Variants in GRXCR1 observed in about 807,000 individuals in gnomAD.
GRXCR1 encodes glutaredoxin domain-containing cysteine-rich protein 1.
Under a neutral mutation model 27.3 loss-of-function variants are expected in GRXCR1, and 27 were observed. The observed-to-expected ratio is 0.99, with a 90% confidence interval of 0.73 to 1.37. The LOEUF (loss-of-function observed/expected upper bound fraction) is 1.37, where lower values mean the gene tolerates loss of function less well. Among genes scored for constraint, GRXCR1 ranks in the 40% most tolerant of loss-of-function variants. GRXCR1 has a pLI of 0.00. For missense variants in GRXCR1, 379 were observed against 354.4 expected, an observed-to-expected ratio of 1.07 and a Z score of -0.56; for synonymous variants, 122 against 131.1, an observed-to-expected ratio of 0.93 and a Z score of 0.47.
intron 2 of GRXCR1, among the ~76,000 whole-genome samples, chr4:43,017,159 C>T (rs1712956137): frequency 6.6e-6 from 1 of 152,236 alleles, no homozygotes; most frequent in Admixed American, 6.5e-5. Flanking sequence ...CATAGCTTCT[C>T]TGGCATGTTC....
chr4:42,962,892 C>T lies in GRXCR1; in HGVS notation c.385C>T (p.Gln129Ter), dbSNP rs1437816903. 1.2e-6 allele frequency: 2 copies of T among 1,612,374 alleles called. No homozygotes were observed. Among genetic ancestry groups the T allele is most frequent in the Non-Finnish European group, 1.7e-6 (2 of 1,178,744 alleles). The change falls in exon 2 of 4, where the codon CAA (glutamine) becomes TAA (stop). Residue 129 changes from glutamine (Q) to a stop codon, truncating the protein, a stop_gained and splice_region_variant. Transcript: ENST00000399770. LOFTEE classifies it high-confidence loss of function. ...TTACAACTCAATGTTTTCCCTTCAG[C>T]AACCATCAACTGATCTAGAATTTGA... ...LFNNLTKVLQ[Q>*]PSTDLEFDRV...
At chr4:42,908,748 A>G (rs538012808) in intron 1 of GRXCR1, among the ~76,000 whole-genome samples, 1 of 152,302 alleles carries the variant, frequency 6.6e-6, no homozygotes, top group South Asian at 2.1e-4. Context: ...AAAAATCACA[A>G]TTTAGGAGAC....
rs890148862 is a variant in GRXCR1, at chr4:42,992,531, T to A, written c.628-27823T>A. 6.6e-5 allele frequency among the ~76,000 whole-genome samples: 10 copies of A among 152,250 alleles called. No individual in the cohort carries two copies. In the East Asian group the frequency reaches 1.7e-3, roughly 26 times the overall value. On this transcript the variant is annotated intron_variant, in intron 2 of 3. Coordinates refer to ENST00000399770, the MANE Select transcript of GRXCR1 (RefSeq NM_001080476.3). ...AATAATTTTAATTTTTGAATTACAG[T>A]TTTCTTGCTTAGAACTCCAGTGTAA...
At chr4:42,945,291 G>A (rs41430651) in intron 1 of GRXCR1, among the ~76,000 whole-genome samples, 1 of 151,992 alleles carries the variant, frequency 6.6e-6, no homozygotes. Context: ...GACTCAGACA[G>A]TTGCTCATGA....
At chr4:42,982,817 C>A (rs1259752961) in intron 2 of GRXCR1, among the ~76,000 whole-genome samples, 3 of 150,520 alleles carry the variant, frequency 2.0e-5, no homozygotes, top group Admixed American at 2.0e-4. Flanking sequence ...TGATGATGAG[C>A]ATTTTTTCAT....
intron 1 of GRXCR1, among the ~76,000 whole-genome samples, chr4:42,947,249 C>T (rs1374722389): frequency 1.3e-5 from 2 of 151,946 alleles, no homozygotes; most frequent in Non-Finnish European, 2.9e-5. Context: ...CTCTGAGAAC[C>T]AGAAGGCTCA....
rs565345925 is a variant in GRXCR1 at position 42,990,568 on chromosome 4, ATTATAG to A, written c.627+27438_627+27443del. ...TTTAATTTGTAACATCCTAATTTTTATTATAGTTAGAGTTGGTAATTTTAAGTTTTC... is the reference window on the plus strand; with the variant it reads ...TTTAATTTGTAACATCCTAATTTTTATTAGAGTTGGTAATTTTAAGTTTTC... On this transcript the variant is annotated intron_variant, in intron 2 of 3. Coordinates refer to ENST00000399770, the MANE Select transcript of GRXCR1 (RefSeq NM_001080476.3). 7.9e-5 allele frequency among the ~76,000 whole-genome samples: 12 copies of A among 152,188 alleles called. No homozygotes were observed. The South Asian group carries it at 2.5e-3, about 32-fold the overall frequency.
chr4:42,994,161 C>T (rs1008272719), intron 2 of GRXCR1, among the ~76,000 whole-genome samples: 1 of 152,002 alleles, frequency 6.6e-6, no homozygotes, highest in Non-Finnish European at 1.5e-5. Flanking sequence ...TCAGTCAGTT[C>T]GTGTTGTATC....
In GRXCR1 at chr4:43,030,629, G is replaced by T. The variant is rs564643132; in HGVS notation, c.*89G>T. 6 of 1,023,014 alleles carry T rather than the reference G, an allele frequency of 5.9e-6. No individual in the cohort carries two copies. Among genetic ancestry groups the T allele is most frequent in the African/African-American group, 1.6e-5 (1 of 61,370 alleles). 63.4% of individuals were successfully genotyped at this position (1,023,014 alleles called of 1,614,324 possible). A position where few individuals can be genotyped will look rare whatever the true frequency, so the allele number is the denominator to read the frequency against. ...TATATTTTTAAATGGTTATGTTTAT[G>T]GATTAATCAATAAACTTTGTTTATT... On this transcript the variant is annotated 3_prime_UTR_variant, in exon 4 of 4. Coordinates refer to ENST00000399770, the MANE Select transcript of GRXCR1 (RefSeq NM_001080476.3).
intron 1 of GRXCR1, among the ~76,000 whole-genome samples, chr4:42,915,103 C>T (rs1005815168): frequency 2.0e-5 from 3 of 152,098 alleles, no homozygotes; most frequent in Non-Finnish European, 4.4e-5. Context: ...CAATTTGCTA[C>T]GTTCAGAGAA....
chr4:42,984,702 G>T (rs951949748), intron 2 of GRXCR1, among the ~76,000 whole-genome samples: 3 of 152,200 alleles, frequency 2.0e-5, no homozygotes, highest in East Asian at 1.9e-4. Flanking sequence ...GCCTGGGATT[G>T]CTGTAGTTGG....
intron 1 of GRXCR1, among the ~76,000 whole-genome samples, chr4:42,955,487 A>G (rs1198826293): frequency 2.0e-5 from 3 of 152,112 alleles, no homozygotes; most frequent in African/African-American, 7.2e-5. Flanking sequence ...CTCAGTGGAA[A>G]GCACGTGGAC....
At chr4:42,930,117 C>G (rs1462458391) in intron 1 of GRXCR1, among the ~76,000 whole-genome samples, 1 of 151,978 alleles carries the variant, frequency 6.6e-6, no homozygotes, top group East Asian at 1.9e-4. Flanking sequence ...GCTATTATCA[C>G]CCTTATACAT....
At chr4:42,926,612 G>A (rs534021908) in intron 1 of GRXCR1, among the ~76,000 whole-genome samples, 5 of 151,570 alleles carry the variant, frequency 3.3e-5, no homozygotes, top group South Asian at 2.1e-4. Flanking sequence ...CAAAACTAAC[G>A]TTACACATAT....
At chr4:43,019,344 T>C (rs1315766804) in intron 2 of GRXCR1, among the ~76,000 whole-genome samples, 1 of 152,236 alleles carries the variant, frequency 6.6e-6, no homozygotes, top group Non-Finnish European at 1.5e-5. Context: ...AGAACGTTTT[T>C]ATTTTTTAAA....
intron 3 of GRXCR1, among the ~76,000 whole-genome samples, chr4:43,024,615 G>A (rs1436476): frequency 0.21 from 31,479 of 152,110 alleles, 4,020 homozygotes; most frequent in Non-Finnish European, 0.29. Context: ...AGAATTATGA[G>A]CTACAAATTT....
intron 1 of GRXCR1, among the ~76,000 whole-genome samples, chr4:42,938,899 G>T (rs1747530083): frequency 1.3e-5 from 2 of 150,982 alleles, no homozygotes; most frequent in African/African-American, 4.9e-5. Flanking sequence ...ATGCTGTTCT[G>T]GGTACTATAG....
At chr4:43,008,355 T>A (rs901102253) in intron 2 of GRXCR1, among the ~76,000 whole-genome samples, 1 of 152,166 alleles carries the variant, frequency 6.6e-6, no homozygotes, top group Non-Finnish European at 1.5e-5. Flanking sequence ...ACCTGTAATT[T>A]GCTCCTGTGT....
chr4:42,906,941 C>A (rs1246620179), intron 1 of GRXCR1, among the ~76,000 whole-genome samples: 2 of 152,124 alleles, frequency 1.3e-5, no homozygotes, highest in Non-Finnish European at 2.9e-5. Flanking sequence ...ATTATTTTCC[C>A]TATTTCCACA....
Sources: gnomAD v4.1 joint callset for allele counts (sites outside exome capture counted in the v4.1 genomes callset) on GRCh38, gnomAD v4.1.1 for gene constraint, MANE v1.5 for transcripts, NCBI Gene and HGNC (gene_info 2026-07-23, HGNC 2026-07-21) for gene names.